The following CIMAP2 variants were observed in gnomAD, a reference collection of about 807,000 sequenced individuals.
CIMAP2 encodes ciliary microtubule-associated protein 2.
chr1:54,808,781 C>A, the CIMAP2 span, among the ~76,000 whole-genome samples: 1 of 151,872 alleles, frequency 6.6e-6, no homozygotes, highest in East Asian at 1.9e-4. Flanking sequence ...GGCTGACACT[C>A]AGTAAGGGCA....
At chr1:54,812,675 A>G in the CIMAP2 span, among the ~76,000 whole-genome samples, 2 of 152,216 alleles carry the variant, frequency 1.3e-5, no homozygotes, top group Non-Finnish European at 2.9e-5. Flanking sequence ...GGTATCTCAC[A>G]GCTTGCTGCA....
the CIMAP2 span, among the ~76,000 whole-genome samples, chr1:54,829,081 G>T: frequency 1.3e-5 from 2 of 152,220 alleles, no homozygotes; most frequent in South Asian, 4.1e-4. Context: ...GATTACATGC[G>T]GAGGGCAGGG....
chr1:54,806,333 G>C, the CIMAP2 span: 1 of 1,113,636 alleles, frequency 9.0e-7, no homozygotes, highest in African/African-American at 1.7e-5. Flanking sequence ...ACAGGGCTGA[G>C]CCTGGCGGGG....
the CIMAP2 span, among the ~76,000 whole-genome samples, chr1:54,809,317 A>G: frequency 6.6e-6 from 1 of 152,128 alleles, no homozygotes; most frequent in African/African-American, 2.4e-5. Flanking sequence ...TGCTTCTGTG[A>G]GGGCTGGAAA....
the CIMAP2 span, chr1:54,814,924 GC>G: frequency 6.2e-7 from 1 of 1,614,168 alleles, no homozygotes; most frequent in African/African-American, 1.3e-5. Context: ...GCCACATCTG[GC>G]CCCAGTTTCT....
the CIMAP2 span, among the ~76,000 whole-genome samples, chr1:54,827,780 T>C: frequency 6.6e-6 from 1 of 152,246 alleles, no homozygotes. Context: ...GGCAGAATTC[T>C]GTTTTACTTA....
At chr1:54,809,226 T>C in the CIMAP2 span, among the ~76,000 whole-genome samples, 1 of 152,146 alleles carries the variant, frequency 6.6e-6, no homozygotes. Context: ...GCACAGCTGC[T>C]AAGTGGGCAA....
the CIMAP2 span, chr1:54,811,768 T>TGCGGGGGGCCCCCCCCCCCCC: frequency 1.9e-6 from 1 of 533,352 alleles, no homozygotes; most frequent in Non-Finnish European, 3.7e-6. Context: ...TCTGACAGCC[T>TGCGGGGGGCCCCCCCCCCCCC]CCATGCCCCC....
chr1:54,824,028 A>AC, the CIMAP2 span, among the ~76,000 whole-genome samples: 1 of 145,486 alleles, frequency 6.9e-6, no homozygotes. Flanking sequence ...GCTGTTTTGG[A>AC]CTTTTTTTTT....
the CIMAP2 span, among the ~76,000 whole-genome samples, chr1:54,810,771 C>T: frequency 2.0e-5 from 3 of 152,348 alleles, no homozygotes; most frequent in African/African-American, 7.2e-5. Context: ...GCCCAGGTCC[C>T]AGATGGTCAT....
chr1:54,841,580 T>C, the CIMAP2 span: 1 of 1,614,046 alleles, frequency 6.2e-7, no homozygotes, highest in Non-Finnish European at 8.5e-7. Context: ...TTTAATGAGC[T>C]GAACTGAGTG....
the CIMAP2 span, among the ~76,000 whole-genome samples, chr1:54,827,982 A>G: frequency 1.3e-5 from 2 of 152,312 alleles, no homozygotes; most frequent in East Asian, 3.9e-4. Context: ...AGGGCTTTGA[A>G]AGAGAAGGCC....
At chr1:54,842,010 T>C in the CIMAP2 span, 9 of 871,550 alleles carry the variant, frequency 1.0e-5, no homozygotes, top group Admixed American at 2.4e-5. Context: ...GAGAGATGTA[T>C]GGGGATCACC....
At chr1:54,838,281 G>A in the CIMAP2 span, among the ~76,000 whole-genome samples, 4 of 151,846 alleles carry the variant, frequency 2.6e-5, no homozygotes, top group African/African-American at 7.3e-5. Context: ...TGAGGAATTC[G>A]AGACCATCCT....
chr1:54,806,315 A>C, the CIMAP2 span: 1 of 1,243,274 alleles, frequency 8.0e-7, no homozygotes, highest in Non-Finnish European at 1.1e-6. Flanking sequence ...GAGGGTGTCC[A>C]CCTACACACA....
the CIMAP2 span, among the ~76,000 whole-genome samples, chr1:54,808,513 G>A: frequency 1.3e-5 from 2 of 151,716 alleles, no homozygotes; most frequent in African/African-American, 4.8e-5. Flanking sequence ...GGCACTGGCC[G>A]AGGGTGAGAG....
chr1:54,830,282 G>A, the CIMAP2 span, among the ~76,000 whole-genome samples: 2 of 152,084 alleles, frequency 1.3e-5, no homozygotes, highest in East Asian at 3.8e-4. The surrounding 1 kb of genome is among the most constrained non-coding windows in gnomAD (Gnocchi z 4.1). Flanking sequence ...GAGTGCAATG[G>A]CGCGATCTCA....
chr1:54,807,923 A>G, the CIMAP2 span: 4 of 1,607,276 alleles, frequency 2.5e-6, no homozygotes, highest in East Asian at 6.7e-5. Context: ...TACAACCTCA[A>G]AGACTTCTTA....
the CIMAP2 span, among the ~76,000 whole-genome samples, chr1:54,810,417 T>C: frequency 2.0e-5 from 3 of 152,196 alleles, no homozygotes; most frequent in African/African-American, 7.2e-5. Context: ...GTGAAGCACC[T>C]AACACACCAT....
Sources: gnomAD v4.1 joint callset for allele counts (sites outside exome capture counted in the v4.1 genomes callset) on GRCh38, gnomAD v4.1.1 for gene constraint, Gnocchi (gnomAD v3.1) non-coding constraint, MANE v1.5 for transcripts, NCBI Gene and HGNC (gene_info 2026-07-23, HGNC 2026-07-21) for gene names.